Variants in WDFY4 observed in about 807,000 individuals in gnomAD.
The protein encoded by WDFY4 is WD repeat- and FYVE domain-containing protein 4.
WDFY4 carries 169 observed loss-of-function variants against 351.9 expected under a neutral mutation model. The observed-to-expected ratio is 0.48, with a 90% CI of 0.42 to 0.55. The LOEUF (loss-of-function observed/expected upper bound fraction) is 0.55, where lower values mean the gene tolerates loss of function less well. WDFY4 is among the 20% of genes least tolerant of loss of function. The probability of loss-of-function intolerance (pLI) is 0.00; values close to 1 mark genes in which losing one functional copy is unlikely to be tolerated. For synonymous variants in WDFY4, 1,622 were observed against 1,574.6 expected (o/e 1.03, Z -0.71); for missense variants, 3,803 against 3,935.6 (o/e 0.97, Z 0.90).
chr10:48,698,597 G>A (rs914432725), intron 1 of WDFY4, among the ~76,000 whole-genome samples: 1 of 152,220 alleles, frequency 6.6e-6, no homozygotes, highest in Admixed American at 6.5e-5. Context: ...TTTATTCTCA[G>A]TGGGGGAGAC....
intron 19 of WDFY4, among the ~76,000 whole-genome samples, chr10:48,786,372 CTGAGA>C (rs1257948802): frequency 5.3e-5 from 8 of 152,140 alleles, no homozygotes; most frequent in Non-Finnish European, 1.0e-4. Context: ...AGTAGAATGA[CTGAGA>C]TAAGAAAGGT....
At chr10:48,901,487 T>G (rs547686614) in intron 46 of WDFY4, among the ~76,000 whole-genome samples, 3 of 152,378 alleles carry the variant, frequency 2.0e-5, no homozygotes, top group Admixed American at 1.3e-4. Context: ...CGCACTGGAA[T>G]GTACAGCAGG....
At chr10:48,816,879 G>T (rs773926097) in intron 31 of WDFY4, among the ~76,000 whole-genome samples, 1 of 152,206 alleles carries the variant, frequency 6.6e-6, no homozygotes, top group African/African-American at 2.4e-5. Context: ...AAGTTACTCA[G>T]TGAGTTTGGT....
chr10:48,881,137 C>T (rs1323516012), intron 43 of WDFY4, among the ~76,000 whole-genome samples: 1 of 152,220 alleles, frequency 6.6e-6, no homozygotes, highest in Non-Finnish European at 1.5e-5. Flanking sequence ...GGAGGCAGCT[C>T]TCAGTCTCTG....
At chr10:48,814,156 T>C in intron 31 of WDFY4, 74 bp downstream of exon 31, 1 of 1,442,586 alleles carries the variant, frequency 6.9e-7, no homozygotes, top group Non-Finnish European at 9.2e-7. Context: ...TCACCTTGAC[T>C]TTTCTCTTAG....
chr10:48,795,516 T>TAC (rs1428876512), intron 23 of WDFY4, among the ~76,000 whole-genome samples: 1 of 106,298 alleles, frequency 9.4e-6, no homozygotes, highest in Non-Finnish European at 1.9e-5. Flanking sequence ...TATATATATA[T>TAC]ATATATACAT....
chr10:48,852,168 C>T (rs2068977078), intron 39 of WDFY4, among the ~76,000 whole-genome samples: 1 of 152,152 alleles, frequency 6.6e-6, no homozygotes, highest in African/African-American at 2.4e-5. Context: ...CTGAGTATGA[C>T]AACTTTCCAG....
chr10:48,686,376 A>C (rs548928990), intron 1 of WDFY4, among the ~76,000 whole-genome samples: 1 of 152,056 alleles, frequency 6.6e-6, no homozygotes, highest in African/African-American at 2.4e-5. Context: ...AATAAGATAG[A>C]AGTAATAAAA....
At chr10:48,700,993 C>T (rs560588743) in intron 1 of WDFY4, among the ~76,000 whole-genome samples, 31 of 152,216 alleles carry the variant, frequency 2.0e-4, no homozygotes, top group Non-Finnish European at 3.2e-4. Context: ...AGTATATTCA[C>T]GTTGTTGTAC....
At chr10:48,822,892 A>G (rs567969574) in intron 35 of WDFY4, among the ~76,000 whole-genome samples, 3 of 152,370 alleles carry the variant, frequency 2.0e-5, no homozygotes, top group Admixed American at 1.3e-4. Flanking sequence ...AAAGGACCAC[A>G]AAGGCCTTTG....
intron 12 of WDFY4, among the ~76,000 whole-genome samples, chr10:48,753,111 A>G (rs2065233526): frequency 6.6e-6 from 1 of 152,110 alleles, no homozygotes; most frequent in Non-Finnish European, 1.5e-5. Context: ...TTGTTTCTCT[A>G]ATGGCTAATA....
chr10:48,791,488 A>G (rs2066678443), intron 23 of WDFY4, among the ~76,000 whole-genome samples: 1 of 152,230 alleles, frequency 6.6e-6, no homozygotes, highest in South Asian at 2.1e-4. Flanking sequence ...AAATGGGATT[A>G]TGAGAGCACC....
chr10:48,890,499 G>A (rs572276176), intron 43 of WDFY4, 80 bp from the exon 44 acceptor site: 2 of 1,522,796 alleles, frequency 1.3e-6, no homozygotes, highest in East Asian at 2.5e-5. Flanking sequence ...TGGATGGCTG[G>A]TCACTACCCT....
intron 39 of WDFY4, among the ~76,000 whole-genome samples, chr10:48,845,178 C>G (rs2133141984): frequency 6.6e-6 from 1 of 152,302 alleles, no homozygotes; most frequent in Admixed American, 6.5e-5. Flanking sequence ...GAGCCGGCCA[C>G]CAAGCATCAT....
intron 43 of WDFY4, 150 bp from the exon 44 acceptor site, chr10:48,890,429 G>A: frequency 1.0e-6 from 1 of 975,486 alleles, no homozygotes; most frequent in Non-Finnish European, 1.5e-6. Flanking sequence ...GAGCAGTACA[G>A]TCCTGGGACA....
intron 13 of WDFY4, among the ~76,000 whole-genome samples, chr10:48,765,757 T>C (rs1017778616): frequency 6.6e-6 from 1 of 152,144 alleles, no homozygotes; most frequent in East Asian, 1.9e-4. Flanking sequence ...AGAAAGGCAA[T>C]GGCACAGTCA....
At position 48,942,393 on chromosome 10, in the gene WDFY4, TGC is replaced by T. The variant is rs1491574543; in HGVS notation, c.7629+550_7629+551del. Among the ~76,000 whole-genome samples the T allele has an allele frequency of 3.7e-3, 561 of 152,032 alleles. 1 individual carries two copies. The highest frequency in any genetic ancestry group is 0.017 in the Middle Eastern group (5 of 294). ...GTGCGTGTGTGCGTGTGTGTGTGTG[TGC>T]GCGCACGCGCATGTGCATGTACCTG... On this transcript the variant is annotated intron_variant, in intron 48 of 61. Coordinates refer to ENST00000325239, the MANE Select transcript of WDFY4 (RefSeq NM_001394531.1).
intron 3 of WDFY4, 86 bp from the exon 4 acceptor site, chr10:48,721,175 C>T: frequency 1.5e-6 from 2 of 1,301,310 alleles, no homozygotes; most frequent in Non-Finnish European, 2.2e-6. Flanking sequence ...TGCTCAGGCA[C>T]ATCTCCTGGG....
chr10:48,800,600 G>A (rs1444154670), intron 24 of WDFY4, among the ~76,000 whole-genome samples: 1 of 152,152 alleles, frequency 6.6e-6, no homozygotes, highest in African/African-American at 2.4e-5. Context: ...AAGTTGTAAG[G>A]CAGGGTTGGA....
Sources: gnomAD v4.1 joint callset for allele counts (sites outside exome capture counted in the v4.1 genomes callset) on GRCh38, gnomAD v4.1.1 for gene constraint, MANE v1.5 for transcripts, NCBI Gene and HGNC (gene_info 2026-07-23, HGNC 2026-07-21) for gene names.